The following SLC22A23 variants were observed in gnomAD, a reference collection of about 807,000 sequenced individuals.
SLC22A23 encodes solute carrier family 22 member 23, also known as ion transporter protein.
SLC22A23 carries 26 observed loss-of-function variants against 61.0 expected under a neutral mutation model. The ratio of observed to expected loss-of-function variants is 0.43; its 90% CI spans 0.31 to 0.59. The LOEUF is 0.59. SLC22A23 is among the 20% of genes least tolerant of loss of function. The pLI, the probability that SLC22A23 is intolerant of heterozygous loss-of-function variation, is 0.11. For missense variants in SLC22A23, 796 were observed against 934.7 expected (o/e 0.85, Z 1.94); for synonymous variants, 430 against 413.9 (o/e 1.04, Z -0.47).
At chr6:3,419,173 G>A (rs909371515) in intron 1 of SLC22A23, among the ~76,000 whole-genome samples, 4 of 152,164 alleles carry the variant, frequency 2.6e-5, no homozygotes, top group African/African-American at 4.8e-5. Flanking sequence ...TGAATGTAAC[G>A]GGTTTTGTCT....
chr6:3,366,723 G>A (rs965676364), intron 3 of SLC22A23, among the ~76,000 whole-genome samples: 1 of 152,080 alleles, frequency 6.6e-6, no homozygotes, highest in Non-Finnish European at 1.5e-5. Flanking sequence ...CAAAATATCA[G>A]CCTCAGAGAG....
At chr6:3,399,471 C>T (rs1233406611) in intron 3 of SLC22A23, among the ~76,000 whole-genome samples, 1 of 152,170 alleles carries the variant, frequency 6.6e-6, no homozygotes, top group East Asian at 1.9e-4. Flanking sequence ...ACAGCCACAT[C>T]GCAAACAGGA....
At chr6:3,435,307 A>G (rs963607835) in intron 1 of SLC22A23, among the ~76,000 whole-genome samples, 7 of 147,700 alleles carry the variant, frequency 4.7e-5, no homozygotes, top group Admixed American at 2.7e-4. Context: ...TCCCTTCCTC[A>G]TCTCTTCCTC....
intron 3 of SLC22A23, among the ~76,000 whole-genome samples, chr6:3,409,913 C>A (rs1355227091): frequency 6.6e-6 from 1 of 152,180 alleles, no homozygotes. Flanking sequence ...CTCTCCATAT[C>A]AGGAAAGAAC....
At chr6:3,448,987 T>C (rs1310646131) in intron 1 of SLC22A23, among the ~76,000 whole-genome samples, 1 of 152,196 alleles carries the variant, frequency 6.6e-6, no homozygotes, top group Non-Finnish European at 1.5e-5. Flanking sequence ...GGAAGACAGC[T>C]ATCTCCCAAA....
rs1345387081 is a variant in SLC22A23, at chr6:3,431,082, AAAAG to A, written c.655-15231_655-15228del. Among the ~76,000 whole-genome samples the A allele has an allele frequency of 5.8e-5, 8 of 138,108 alleles. No individual in the cohort carries two copies. In the South Asian group the frequency reaches 7.5e-4, roughly 13 times the overall value. The allele number at this position is 138,108 out of a possible 152,430, so 90.6% of individuals were successfully genotyped here. On this transcript the variant is annotated intron_variant, in intron 1 of 9. Coordinates refer to ENST00000406686, the MANE Select transcript of SLC22A23 (RefSeq NM_015482.2). ...ACTCCGTCTCAAAAAAAAAAAAAAA[AAAAG>A]AAAGAAAGAAAAAGAAAACACAGCA... is the stretch of plus-strand genomic sequence containing the variant.
rs1761281460 is a variant in SLC22A23 at position 3,298,196 on chromosome 6, A to C, written c.1105T>G (p.Trp369Gly). ...YWSIFPESLR[W>G]LMATQQFESA... Reference sequence around the variant, plus strand: ...TCAAACTGCTGGGTGGCCATTAGCCACCGGAGGGACTCGGGGAATATCCTT... The same window carrying C: ...TCAAACTGCTGGGTGGCCATTAGCCCCCGGAGGGACTCGGGGAATATCCTT... The change falls in exon 5 of 10, where the codon TGG becomes GGG. Residue 369 changes from tryptophan (W) to glycine (G), a missense_variant. Coordinates refer to ENST00000406686, the MANE Select transcript of SLC22A23 (RefSeq NM_015482.2). 6.3e-7 allele frequency: 1 copy of C among 1,593,034 alleles called. No individual in the cohort carries two copies. The highest frequency in any genetic ancestry group is 8.5e-7 in the Non-Finnish European group (1 of 1,172,460).
intron 8 of SLC22A23, chr6:3,284,848 G>A (rs917540777): frequency 1.9e-5 from 29 of 1,487,572 alleles, no homozygotes; most frequent in East Asian, 4.9e-5. Context: ...GGGGGCATGC[G>A]TGCCAAGCAG....
chr6:3,317,324 G>A lies in SLC22A23; in HGVS notation c.1082+6510C>T, dbSNP rs1156749027. On this transcript the variant is annotated intron_variant, in intron 4 of 9. Transcript: ENST00000406686. This position sits in a 1 kb window ranked among gnomAD's most constrained non-coding sequence, Gnocchi z 4.4. ...GTCATTAAGCCATGTGCCCAGTGCA[G>A]GCTGTGGCCACCTGGAAGGGGCACC... Among the ~76,000 whole-genome samples the A allele has an allele frequency of 6.6e-6, 1 of 152,208 alleles. No individual in the cohort carries two copies. Among genetic ancestry groups the A allele is most frequent in the African/African-American group, 2.4e-5 (1 of 41,450 alleles).
In SLC22A23 at chr6:3,309,529, G is replaced by C. The variant is rs1300439909; in HGVS notation, c.1083-11311C>G. Among the ~76,000 whole-genome samples, 1 of 151,896 alleles carries C rather than the reference G, an allele frequency of 6.6e-6. No individual in the cohort carries two copies. The highest frequency in any genetic ancestry group is 1.5e-5 in the Non-Finnish European group (1 of 67,982). On this transcript the variant is annotated intron_variant, in intron 4 of 9. Transcript: ENST00000406686. This position sits in a 1 kb window ranked among gnomAD's most constrained non-coding sequence, Gnocchi z 4.7. ...CACCTGACCGTAATAAGGACTGTGG[G>C]CTGACAAGCAGGTGGCACCTGACCA... is the stretch of plus-strand genomic sequence containing the variant.
intron 1 of SLC22A23, among the ~76,000 whole-genome samples, chr6:3,429,497 G>A (rs932707310): frequency 8.0e-6 from 1 of 125,784 alleles, no homozygotes; most frequent in African/African-American, 2.7e-5. Context: ...ATTAGCCCAA[G>A]CCGATTAGGA....
At chr6:3,374,336 T>A (rs192318083) in intron 3 of SLC22A23, among the ~76,000 whole-genome samples, 476 of 152,022 alleles carry the variant, frequency 3.1e-3, no homozygotes, top group Middle Eastern at 0.01. Context: ...GCCAGCTGGG[T>A]GGATGAGAAT....
intron 3 of SLC22A23, among the ~76,000 whole-genome samples, chr6:3,379,525 A>C (rs1218325218): frequency 6.6e-6 from 1 of 152,090 alleles, no homozygotes; most frequent in Non-Finnish European, 1.5e-5. Context: ...GAGGTGTGCG[A>C]GGGTGGGCAG....
Position 3,367,748 on chromosome 6 carries a change from G to A in SLC22A23, c.913+42440C>T, listed in dbSNP as rs556909810. Among the ~76,000 whole-genome samples, 4 of 152,322 alleles carry A rather than the reference G, an allele frequency of 2.6e-5. No individual in the cohort carries two copies. In the East Asian group the frequency reaches 7.7e-4, roughly 29 times the overall value. On this transcript the variant is annotated intron_variant, in intron 3 of 9. Coordinates refer to ENST00000406686, the MANE Select transcript of SLC22A23 (RefSeq NM_015482.2). Reference sequence around the variant, plus strand: ...TATGTGGAAGAACTCCTAACTATTTGTTAGCACTTAAAGACTAGTCACATG... The same window carrying A: ...TATGTGGAAGAACTCCTAACTATTTATTAGCACTTAAAGACTAGTCACATG...
At chr6:3,301,710 C>T (rs1032171464) in intron 4 of SLC22A23, among the ~76,000 whole-genome samples, 2 of 152,328 alleles carry the variant, frequency 1.3e-5, no homozygotes, top group East Asian at 1.9e-4. Flanking sequence ...GTGGTGTGAA[C>T]GAGCAGGGCA....
intron 1 of SLC22A23, chr6:3,444,953 G>C (rs113901597): frequency 1.0e-6 from 1 of 985,328 alleles, no homozygotes; most frequent in East Asian, 1.1e-4. Flanking sequence ...CATCCCGGTC[G>C]TCCTCACCCC....
intron 3 of SLC22A23, among the ~76,000 whole-genome samples, chr6:3,394,865 G>C (rs904966878): frequency 6.6e-6 from 1 of 152,198 alleles, no homozygotes; most frequent in African/African-American, 2.4e-5. Context: ...CTCGGGGAAG[G>C]GACTTCATCC....
In SLC22A23 at chr6:3,372,737, G is replaced by C. The variant is rs562172017; in HGVS notation, c.913+37451C>G. On this transcript the variant is annotated intron_variant, in intron 3 of 9. Transcript: ENST00000406686. The surrounding 1 kb of genome is among the most constrained non-coding windows in gnomAD (Gnocchi z 4.7). ...AGATATGGAGCCTCAGGGTGCGCAA[G>C]TCCTAGGACAATCTAGGCCAACATT... Among the ~76,000 whole-genome samples the C allele has an allele frequency of 6.6e-6, 1 of 152,334 alleles. No individual in the cohort carries two copies. Among genetic ancestry groups the C allele is most frequent in the South Asian group, 2.1e-4 (1 of 4,826 alleles).
At chr6:3,300,173 G>A (rs1761490890) in intron 4 of SLC22A23, among the ~76,000 whole-genome samples, 1 of 151,844 alleles carries the variant, frequency 6.6e-6, no homozygotes, top group African/African-American at 2.4e-5. Context: ...ACCATGCTTG[G>A]CTAATTTTTG....
Sources: allele counts gnomAD v4.1 joint callset (sites outside exome capture counted in the v4.1 genomes callset), GRCh38; gene constraint gnomAD v4.1.1; non-coding constraint Gnocchi (gnomAD v3.1); transcripts MANE v1.5; gene names NCBI Gene and HGNC (gene_info 2026-07-23, HGNC 2026-07-21).